SLC24A2: variants seen among roughly 807,000 people sequenced by gnomAD.
SLC24A2 encodes sodium/potassium/calcium exchanger 2.
In SLC24A2, 36 loss-of-function variants were observed where a neutral mutation model predicts 62.0. The observed-to-expected ratio is 0.58, with a 90% CI of 0.44 to 0.77. The LOEUF is 0.77. Ranked by LOEUF, SLC24A2 falls within the 30% of genes least tolerant of loss-of-function variation. The probability of loss-of-function intolerance (pLI) is 0.00; values close to 1 mark genes in which losing one functional copy is unlikely to be tolerated. For synonymous variants in SLC24A2, 358 were observed against 294.0 expected (o/e 1.22, Z -2.23); for missense variants, 846 against 817.9 (o/e 1.03, Z -0.42).
chr9:20,160,855 G>GA, the SLC24A2 span, among the ~76,000 whole-genome samples: 16 of 144,488 alleles, frequency 1.1e-4, no homozygotes, highest in East Asian at 4.1e-4. Flanking sequence ...GCCTAAAACA[G>GA]AAAAAAAAAG....
chr9:20,083,479 A>G, the SLC24A2 span, among the ~76,000 whole-genome samples: 12 of 152,222 alleles, frequency 7.9e-5, no homozygotes, highest in Non-Finnish European at 1.8e-4. Flanking sequence ...GTTGGAAGCA[A>G]AAATAACCAT....
At chr9:20,082,531 C>T in the SLC24A2 span, among the ~76,000 whole-genome samples, 1 of 152,234 alleles carries the variant, frequency 6.6e-6, no homozygotes, top group African/African-American at 2.4e-5. Flanking sequence ...GTGATCCCAC[C>T]AGCCTCCCAT....
At chr9:19,986,198 G>A in the SLC24A2 span, among the ~76,000 whole-genome samples, 1 of 152,096 alleles carries the variant, frequency 6.6e-6, no homozygotes, top group East Asian at 1.9e-4. Context: ...CATCATTAAG[G>A]AAATACAAGT....
the SLC24A2 span, among the ~76,000 whole-genome samples, chr9:20,201,953 T>A: frequency 6.6e-6 from 1 of 151,894 alleles, no homozygotes; most frequent in Non-Finnish European, 1.5e-5. Context: ...GAGAGGGAAT[T>A]GTAGAAAAAA....
the SLC24A2 span, among the ~76,000 whole-genome samples, chr9:19,873,024 A>T: frequency 1.3e-5 from 2 of 151,890 alleles, no homozygotes; most frequent in Admixed American, 1.3e-4. Context: ...GATTCAGGGC[A>T]TTATAGAAAT....
the SLC24A2 span, among the ~76,000 whole-genome samples, chr9:20,038,147 T>C: frequency 7.9e-5 from 12 of 152,186 alleles, no homozygotes; most frequent in Non-Finnish European, 1.2e-4. Flanking sequence ...TATTCCCATA[T>C]AATTAGAGGC....
At chr9:19,519,006 C>T (rs1054538496) in intron 10 of SLC24A2, among the ~76,000 whole-genome samples, 5 of 151,944 alleles carry the variant, frequency 3.3e-5, no homozygotes, top group Admixed American at 2.0e-4. Flanking sequence ...GGTTTTTCTG[C>T]ATAAAGATGT....
chr9:20,184,189 C>T, the SLC24A2 span, among the ~76,000 whole-genome samples: 4 of 152,128 alleles, frequency 2.6e-5, no homozygotes, highest in African/African-American at 7.2e-5. Context: ...TTAATTATCA[C>T]GGAAATGGAA....
rs544305996 is a variant in SLC24A2, at chr9:19,550,149, G to A, written c.1467C>T (p.Asp489=). The change falls in exon 8 of 11, where the codon GAC becomes GAT. Residue 489 remains aspartate, a synonymous_variant. Coordinates refer to ENST00000341998, the MANE Select transcript of SLC24A2 (RefSeq NM_020344.4). ...ATGCTTTACTTACAGGTTTGCGAAC[G>A]TCAGGTAACGTAATCCAGAGAGGAA... ...IVFPLWITLP[D]VRKPSSRKFF... The A allele has an allele frequency of 5.1e-5, 82 of 1,613,964 alleles. No homozygotes were observed. Among genetic ancestry groups the A allele is most frequent in the South Asian group, 2.0e-4 (18 of 91,074 alleles).
the SLC24A2 span, among the ~76,000 whole-genome samples, chr9:20,076,390 G>T: frequency 6.6e-6 from 1 of 152,108 alleles, no homozygotes; most frequent in East Asian, 1.9e-4. Context: ...TTTTCCTACT[G>T]CCAGGAAGTT....
At chr9:20,033,376 C>T in the SLC24A2 span, among the ~76,000 whole-genome samples, 25 of 152,052 alleles carry the variant, frequency 1.6e-4, no homozygotes, top group African/African-American at 6.0e-4. Context: ...TGATATGGTA[C>T]CTAATAGGGA....
At chr9:19,889,595 T>G in the SLC24A2 span, among the ~76,000 whole-genome samples, 1 of 152,190 alleles carries the variant, frequency 6.6e-6, no homozygotes. Flanking sequence ...AAACCATTTT[T>G]CCTCGTTCCT....
chr9:20,242,355 A>G, the SLC24A2 span, among the ~76,000 whole-genome samples: 448 of 152,350 alleles, frequency 2.9e-3, no homozygotes, highest in Non-Finnish European at 4.3e-3. Flanking sequence ...TACTCGATGC[A>G]TTACTGGGTT....
the SLC24A2 span, among the ~76,000 whole-genome samples, chr9:20,052,901 T>A: frequency 6.6e-6 from 1 of 152,246 alleles, no homozygotes; most frequent in Non-Finnish European, 1.5e-5. Context: ...CGCACTGGCA[T>A]ATATGACATC....
intron 2 of SLC24A2, among the ~76,000 whole-genome samples, chr9:19,671,726 C>A (rs1401810959): frequency 6.6e-6 from 1 of 152,068 alleles, no homozygotes; most frequent in Non-Finnish European, 1.5e-5. Flanking sequence ...TAAGATACGT[C>A]CCTTCTATGC....
intron 4 of SLC24A2, among the ~76,000 whole-genome samples, chr9:19,610,098 T>G (rs1398240827): frequency 6.6e-6 from 1 of 152,184 alleles, no homozygotes; most frequent in Non-Finnish European, 1.5e-5. Flanking sequence ...GTGAGAATTA[T>G]TCCTACTCCT....
chr9:19,634,170 A>C (rs1025285218), intron 2 of SLC24A2, among the ~76,000 whole-genome samples: 4 of 152,022 alleles, frequency 2.6e-5, no homozygotes, highest in African/African-American at 9.7e-5. Flanking sequence ...ACCCATTTTA[A>C]AGATTGGGGT....
the SLC24A2 span, among the ~76,000 whole-genome samples, chr9:20,063,239 AC>A: frequency 6.6e-6 from 1 of 151,434 alleles, no homozygotes; most frequent in African/African-American, 2.4e-5. Flanking sequence ...CTTGGAACCC[AC>A]CCAAATGTCC....
the SLC24A2 span, among the ~76,000 whole-genome samples, chr9:19,829,808 T>C: frequency 0.011 from 304 of 26,714 alleles, 1 homozygote; most frequent in Non-Finnish European, 0.04. Flanking sequence ...TATATATATA[T>C]ATACACACAC....
Sources: allele counts gnomAD v4.1 joint callset (sites outside exome capture counted in the v4.1 genomes callset), GRCh38; gene constraint gnomAD v4.1.1; transcripts MANE v1.5; gene names NCBI Gene and HGNC (gene_info 2026-07-23, HGNC 2026-07-21).